Variants in PHLDB2 observed in about 807,000 individuals in gnomAD.
PHLDB2 encodes pleckstrin homology-like domain family B member 2.
In PHLDB2, 71 loss-of-function variants were observed where a neutral mutation model predicts 123.6. The observed-to-expected ratio is 0.57, with a 90% CI of 0.47 to 0.70. The LOEUF is 0.70. Ranked by LOEUF, PHLDB2 falls within the 30% of genes least tolerant of loss-of-function variation. The probability of loss-of-function intolerance (pLI) is 0.00; values close to 1 mark genes in which losing one functional copy is unlikely to be tolerated. For missense variants in PHLDB2, 1,446 were observed against 1,519.5 expected, an observed-to-expected ratio of 0.95 and a Z score of 0.80; for synonymous variants, 547 against 541.6, an observed-to-expected ratio of 1.01 and a Z score of -0.14.
intron 13 of PHLDB2, among the ~76,000 whole-genome samples, chr3:111,965,217 A>G (rs2071673463): frequency 1.3e-5 from 2 of 152,264 alleles, no homozygotes; most frequent in South Asian, 4.1e-4. Context: ...ATGAGAAGAT[A>G]CTGCCATGTT....
chr3:111,940,120 C>A (rs1360125394), intron 7 of PHLDB2, among the ~76,000 whole-genome samples: 1 of 151,588 alleles, frequency 6.6e-6, no homozygotes, highest in East Asian at 1.9e-4. Flanking sequence ...TAGAATCATA[C>A]CCAGGGCTCT....
At chr3:111,898,708 A>G (rs536578956) in intron 2 of PHLDB2, among the ~76,000 whole-genome samples, 2 of 152,178 alleles carry the variant, frequency 1.3e-5, no homozygotes, top group African/African-American at 4.8e-5. Flanking sequence ...CGTTAACAGC[A>G]CCTTTACCAG....
chr3:111,806,712 C>T (rs1331555616), intron 1 of PHLDB2, among the ~76,000 whole-genome samples: 2 of 152,072 alleles, frequency 1.3e-5, no homozygotes, highest in East Asian at 3.9e-4. Flanking sequence ...TCTTGAACTC[C>T]TGACCTCAGG....
In PHLDB2 at chr3:111,895,185, A is replaced by G. The variant is rs2066758608; in HGVS notation, c.1335+9773A>G. On this transcript the variant is annotated intron_variant, in intron 2 of 17. Transcript: ENST00000431670. ...GACTTCACATTGGGGAAACAGAGCTAAAGTCTTCATGAAATTCTATATTGC... is the reference window on the plus strand; with the variant it reads ...GACTTCACATTGGGGAAACAGAGCTGAAGTCTTCATGAAATTCTATATTGC... Among the ~76,000 whole-genome samples the G allele has an allele frequency of 2.0e-5, 3 of 152,328 alleles. 1 individual carries two copies. Among genetic ancestry groups the G allele is most frequent in the Non-Finnish European group, 4.4e-5 (3 of 68,022 alleles).
chr3:111,885,536 GCTAT>G, intron 2 of PHLDB2, 124 bp downstream of exon 2: 1 of 1,246,990 alleles, frequency 8.0e-7, no homozygotes, highest in Non-Finnish European at 1.2e-6. Flanking sequence ...AGCCACAGCT[GCTAT>G]CTTTCTCTTC....
chr3:111,962,756 C>A (rs2071482668), intron 13 of PHLDB2, among the ~76,000 whole-genome samples: 2 of 151,566 alleles, frequency 1.3e-5, no homozygotes, highest in South Asian at 4.2e-4. Context: ...ATGGTGAAAC[C>A]CTGTCTCTAC....
At chr3:111,892,271 G>T (rs1250455745) in intron 2 of PHLDB2, among the ~76,000 whole-genome samples, 2 of 151,984 alleles carry the variant, frequency 1.3e-5, no homozygotes, top group East Asian at 3.9e-4. Flanking sequence ...GAAATGTCTG[G>T]GTCAGCAATT....
chr3:111,752,238 GTGTC>G, intron 1 of PHLDB2, among the ~76,000 whole-genome samples: 2 of 143,388 alleles, frequency 1.4e-5, no homozygotes, highest in East Asian at 2.0e-4. Flanking sequence ...GTGTGTGTGT[GTGTC>G]TGTGTCTGTG....
In PHLDB2 at chr3:111,958,840, T is replaced by C. The variant is rs374628964; in HGVS notation, c.2873-3268T>C. The C allele has an allele frequency of 4.1e-4, 175 of 422,718 alleles. 1 individual carries two copies. Among genetic ancestry groups the C allele is most frequent in the African/African-American group, 3.2e-3 (155 of 48,370 alleles). 26.2% of individuals were successfully genotyped at this position (422,718 alleles called of 1,614,324 possible). A position where few individuals can be genotyped will look rare whatever the true frequency, so the allele number is the denominator to read the frequency against. On this transcript the variant is annotated intron_variant, in intron 12 of 17. Coordinates refer to ENST00000431670, the MANE Select transcript of PHLDB2 (RefSeq NM_001134438.2). Reference sequence around the variant, plus strand: ...AAGTCTCATTTTTCCCAATCTTGTTTCTTTGCTCCCCCTCAAAAAGTAGAT... The same window carrying C: ...AAGTCTCATTTTTCCCAATCTTGTTCCTTTGCTCCCCCTCAAAAAGTAGAT...
At chr3:111,973,708 T>G in intron 16 of PHLDB2, 24 bp from the exon 17 acceptor site, 1 of 1,412,046 alleles carries the variant, frequency 7.1e-7, no homozygotes, top group Non-Finnish European at 9.9e-7. Flanking sequence ...CGATAAAGTA[T>G]TTAACACTTA....
At chr3:111,956,524 T>G (rs761735098) in intron 12 of PHLDB2, among the ~76,000 whole-genome samples, 28 of 152,190 alleles carry the variant, frequency 1.8e-4, no homozygotes, top group Non-Finnish European at 3.7e-4. Context: ...TTTATGCAGC[T>G]CAGAAGACTG....
chr3:111,847,099 A>G (rs1005601550), intron 2 of PHLDB2, among the ~76,000 whole-genome samples: 3 of 152,176 alleles, frequency 2.0e-5, no homozygotes, highest in Non-Finnish European at 2.9e-5. Context: ...ATTAGGTGGG[A>G]AAATAACCTG....
intron 2 of PHLDB2, among the ~76,000 whole-genome samples, chr3:111,852,769 CACACACACACACAT>C (rs1004768995): frequency 3.9e-5 from 6 of 151,918 alleles, no homozygotes; most frequent in African/African-American, 1.5e-4. Context: ...CACACACACA[CACACACACACACAT>C]ACACACACAC....
chr3:111,753,814 A>G (rs1034693452), intron 1 of PHLDB2, among the ~76,000 whole-genome samples: 1 of 152,128 alleles, frequency 6.6e-6, no homozygotes, highest in Non-Finnish European at 1.5e-5. Flanking sequence ...TCCATCTTGA[A>G]TTAATTTTTG....
At position 111,913,354 on chromosome 3, in the gene PHLDB2, T is replaced by G. The variant is rs1205949903; in HGVS notation, c.1371T>G (p.Cys457Trp). ...RQRLETILSL[C>W]AEYTKPDSRL... Reference sequence around the variant, plus strand: ...GTCTGGAGACCATCCTCAGTCTCTGTGCTGAATACACAAAGCCTGACAGTC... The same window carrying G: ...GTCTGGAGACCATCCTCAGTCTCTGGGCTGAATACACAAAGCCTGACAGTC... Residue 457 changes from cysteine (C) to tryptophan (W), a missense_variant, in exon 3 of 18, where the codon TGT becomes TGG. This residue lies in a region of PHLDB2 where 832 missense variants were observed against 831.9 expected (regional missense o/e 1.00). Coordinates refer to ENST00000431670, the MANE Select transcript of PHLDB2 (RefSeq NM_001134438.2). The G allele has an allele frequency of 1.2e-6, 2 of 1,611,390 alleles. No homozygotes were observed. The highest frequency in any genetic ancestry group is 3.3e-5 in the Admixed American group (2 of 59,858).
chr3:111,786,488 G>C (rs2060685445), intron 1 of PHLDB2, among the ~76,000 whole-genome samples: 1 of 152,128 alleles, frequency 6.6e-6, no homozygotes, highest in Admixed American at 6.6e-5. Flanking sequence ...TGACCTCTAA[G>C]GCCTCTTCCA....
intron 2 of PHLDB2, among the ~76,000 whole-genome samples, chr3:111,853,292 T>C (rs1169306180): frequency 2.6e-5 from 4 of 152,186 alleles, no homozygotes; most frequent in Non-Finnish European, 5.9e-5. Flanking sequence ...GGTTACATAG[T>C]TTCCCTTAAC....
intron 5 of PHLDB2, among the ~76,000 whole-genome samples, chr3:111,925,927 T>G (rs768503958): frequency 6.6e-6 from 1 of 152,240 alleles, no homozygotes; most frequent in Non-Finnish European, 1.5e-5. Flanking sequence ...AAAAATCAAG[T>G]CAGTTGTACC....
At chr3:111,933,244 T>A (rs1262911521) in intron 6 of PHLDB2, among the ~76,000 whole-genome samples, 1 of 152,238 alleles carries the variant, frequency 6.6e-6, no homozygotes, top group Admixed American at 6.5e-5. Flanking sequence ...AAGAGTCACG[T>A]AATAGTAATT....
Sources: gnomAD v4.1 joint callset for allele counts (sites outside exome capture counted in the v4.1 genomes callset) on GRCh38, gnomAD v4.1.1 for gene constraint, gnomAD v4.1.1 regional missense constraint, MANE v1.5 for transcripts, NCBI Gene and HGNC (gene_info 2026-07-23, HGNC 2026-07-21) for gene names.